CARS2: variants seen among roughly 807,000 people sequenced by gnomAD.
CARS2 encodes the protein cysteinyl-tRNA synthetase 2, mitochondrial, also known as probable cysteine--tRNA ligase, mitochondrial.
In CARS2, 52 loss-of-function variants were observed where a neutral mutation model predicts 68.8. The observed-to-expected ratio is 0.76, with a 90% CI of 0.61 to 0.95. The LOEUF (loss-of-function observed/expected upper bound fraction) is 0.95. CARS2 is among the 40% of genes least tolerant of loss of function. The probability of loss-of-function intolerance (pLI) is 0.00; values close to 1 mark genes in which losing one functional copy is unlikely to be tolerated. For synonymous variants in CARS2, 314 were observed against 303.6 expected (o/e 1.03, Z -0.36); for missense variants, 780 against 754.2 (o/e 1.03, Z -0.40).
intron 5 of CARS2, among the ~76,000 whole-genome samples, chr13:110,685,439 A>C (rs1459884594): frequency 6.6e-6 from 1 of 152,368 alleles, no homozygotes; most frequent in Non-Finnish European, 1.5e-5. Flanking sequence ...TTACGCTCCA[A>C]GTAGGACCCA....
At chr13:110,661,705 G>A (rs925854985) in intron 9 of CARS2, among the ~76,000 whole-genome samples, 1 of 152,162 alleles carries the variant, frequency 6.6e-6, no homozygotes. Context: ...AGTGAGAGAT[G>A]TGTGACTCTT....
chr13:110,654,886 G>A (rs1271744728), intron 9 of CARS2, among the ~76,000 whole-genome samples: 4 of 134,878 alleles, frequency 3.0e-5, no homozygotes, highest in African/African-American at 1.2e-4. Context: ...AGGTGCCACT[G>A]CACCAGGTAC....
chr13:110,664,063 C>T (rs2062581284), intron 8 of CARS2: 1 of 985,212 alleles, frequency 1.0e-6, no homozygotes, highest in South Asian at 4.7e-5. Flanking sequence ...ATGTGAAAGA[C>T]AGGAGGAAAA....
chr13:110,682,973 G>A (rs929866743), intron 6 of CARS2, 78 bp downstream of exon 6: 34 of 942,170 alleles, frequency 3.6e-5, no homozygotes, highest in African/African-American at 1.9e-4. Flanking sequence ...AGGGGTCTGC[G>A]CTCCAGATCT....
intron 3 of CARS2, among the ~76,000 whole-genome samples, chr13:110,693,028 T>C (rs992047591): frequency 6.8e-6 from 1 of 146,118 alleles, no homozygotes; most frequent in Non-Finnish European, 1.5e-5. Context: ...GAGAATCGCT[T>C]GAACTCGGGA....
At chr13:110,694,316 G>A (rs1052643398) in intron 3 of CARS2, among the ~76,000 whole-genome samples, 3 of 148,850 alleles carry the variant, frequency 2.0e-5, no homozygotes, top group African/African-American at 7.4e-5. Context: ...GTGAGCCACC[G>A]TGCCTGGCTT....
intron 3 of CARS2, among the ~76,000 whole-genome samples, chr13:110,698,285 CGAG>C (rs2063681675): frequency 2.0e-5 from 3 of 151,644 alleles, no homozygotes. Context: ...TTTGGGAGGC[CGAG>C]GAGGGCGGAT....
chr13:110,661,040 G>T (rs554989362), intron 9 of CARS2, among the ~76,000 whole-genome samples: 1 of 152,144 alleles, frequency 6.6e-6, no homozygotes, highest in Non-Finnish European at 1.5e-5. Context: ...GATTACAAAC[G>T]TGAGCCACTG....
At chr13:110,672,808 T>C (rs1173539804) in intron 7 of CARS2, among the ~76,000 whole-genome samples, 1 of 152,096 alleles carries the variant, frequency 6.6e-6, no homozygotes, top group Non-Finnish European at 1.5e-5. Context: ...ACAAAATTGA[T>C]AGACCGCTAG....
At chr13:110,664,996 A>G in intron 8 of CARS2, 1 of 985,284 alleles carries the variant, frequency 1.0e-6, no homozygotes, top group African/African-American at 1.7e-5. Flanking sequence ...AGGCTGGGAT[A>G]GTGTCTGCCC....
chr13:110,708,744 T>C (rs527624468), upstream of CARS2, among the ~76,000 whole-genome samples: 3 of 148,390 alleles, frequency 2.0e-5, no homozygotes, highest in South Asian at 6.2e-4. Flanking sequence ...TTTTGCATTT[T>C]TATTTTTATT....
At position 110,705,799 on chromosome 13, in the gene CARS2, G is replaced by A. The variant is rs1052568748; in HGVS notation, c.224+71C>T. On this transcript the variant is annotated intron_variant, in intron 1 of 14. Transcript: ENST00000257347. This position sits in a 1 kb window ranked among gnomAD's most constrained non-coding sequence, Gnocchi z 4.0. ...TTCCTAAACGCCCTCCCCGAGCCCAGATCCCGTTCAGCCGTGGGAAGTCTC... is the reference window on the plus strand; with the variant it reads ...TTCCTAAACGCCCTCCCCGAGCCCAAATCCCGTTCAGCCGTGGGAAGTCTC... 4 of 1,526,080 alleles carry A rather than the reference G, an allele frequency of 2.6e-6. No individual in the cohort carries two copies. In the African/African-American group the frequency reaches 5.5e-5, roughly 21 times the overall value. The allele number at this position is 1,526,080 out of a possible 1,614,324, so 94.5% of individuals were successfully genotyped here. A position where few individuals can be genotyped will look rare whatever the true frequency, so the allele number is the denominator to read the frequency against.
At chr13:110,706,807 C>T (rs368563241), upstream of CARS2, among the ~76,000 whole-genome samples, 129 of 150,388 alleles carry the variant, frequency 8.6e-4, no homozygotes, top group African/African-American at 3.0e-3. Flanking sequence ...CACCCCAATA[C>T]AGTGTGCACC....
chr13:110,700,437 T>A (rs918637566), intron 3 of CARS2, among the ~76,000 whole-genome samples: 4 of 152,134 alleles, frequency 2.6e-5, no homozygotes, highest in Admixed American at 1.3e-4. Context: ...AAGGCACGCG[T>A]GGCGTGTGCA....
intron 1 of CARS2, chr13:110,712,529 A>ACGGG (rs1214450967): frequency 5.9e-6 from 1 of 170,146 alleles, no homozygotes; most frequent in Non-Finnish European, 1.1e-5. Context: ...CTTTGGCCGG[A>ACGGG]AGGGGGGGGG....
chr13:110,698,542 G>GT (rs899245872), intron 3 of CARS2, among the ~76,000 whole-genome samples: 7 of 151,594 alleles, frequency 4.6e-5, no homozygotes, highest in East Asian at 1.9e-4. Flanking sequence ...AATCCAGCAA[G>GT]TTTTTTTTAA....
At chr13:110,679,621 GA>G (rs2063094214) in intron 6 of CARS2, among the ~76,000 whole-genome samples, 10 of 142,148 alleles carry the variant, frequency 7.0e-5, no homozygotes, top group Non-Finnish European at 1.4e-4. Flanking sequence ...GAGAGAGAGA[GA>G]GAGGGAGGGA....
intron 6 of CARS2, among the ~76,000 whole-genome samples, chr13:110,681,594 G>A (rs2063158006): frequency 6.6e-6 from 1 of 152,154 alleles, no homozygotes; most frequent in African/African-American, 2.4e-5. Flanking sequence ...GTGCTCCTTG[G>A]TATCTGCCCA....
intron 9 of CARS2, among the ~76,000 whole-genome samples, chr13:110,657,911 T>G (rs113979357): frequency 4.1e-4 from 63 of 152,362 alleles, no homozygotes; most frequent in African/African-American, 1.2e-3. Context: ...GGGAATGCAC[T>G]GTGAGTTCAC....
Sources: allele counts gnomAD v4.1 joint callset (sites outside exome capture counted in the v4.1 genomes callset), GRCh38; gene constraint gnomAD v4.1.1; non-coding constraint Gnocchi (gnomAD v3.1); transcripts MANE v1.5; gene names NCBI Gene and HGNC (gene_info 2026-07-23, HGNC 2026-07-21).